The following SYNE1 variants were observed in gnomAD, a reference collection of about 807,000 sequenced individuals.
The protein encoded by SYNE1 is spectrin repeat containing nuclear envelope protein 1.
In SYNE1, 616 loss-of-function variants were observed where a neutral mutation model predicts 1,111.0. The ratio of observed to expected loss-of-function variants is 0.55; its 90% CI spans 0.52 to 0.59. The LOEUF is 0.59. Among genes scored for constraint, SYNE1 ranks in the 20% least tolerant of loss-of-function variants. The pLI, the probability that SYNE1 is intolerant of heterozygous loss-of-function variation, is 0.00. For missense variants in SYNE1, 10,006 were observed against 10,417.0 expected (o/e 0.96, Z 1.72); for synonymous variants, 3,855 against 3,825.8 (o/e 1.01, Z -0.28).
At chr6:152,422,395 G>A (rs1006406659) in intron 39 of SYNE1, among the ~76,000 whole-genome samples, 2 of 152,202 alleles carry the variant, frequency 1.3e-5, no homozygotes, top group Non-Finnish European at 2.9e-5. Flanking sequence ...TCAGGACTAA[G>A]AGACTGACTA....
At chr6:152,258,590 C>G (rs2091375686) in intron 101 of SYNE1, among the ~76,000 whole-genome samples, 1 of 152,120 alleles carries the variant, frequency 6.6e-6, no homozygotes, top group African/African-American at 2.4e-5. Context: ...ATACAAGACT[C>G]CTAGACTGAT....
intron 11 of SYNE1, among the ~76,000 whole-genome samples, chr6:152,498,452 TC>T (rs2099011306): frequency 6.6e-6 from 1 of 152,226 alleles, no homozygotes; most frequent in Non-Finnish European, 1.5e-5. Flanking sequence ...TTACTGTAAG[TC>T]CTTTTTATTA....
At chr6:152,266,437 G>A (rs1188200719) in intron 100 of SYNE1, among the ~76,000 whole-genome samples, 1 of 152,194 alleles carries the variant, frequency 6.6e-6, no homozygotes, top group African/African-American at 2.4e-5. Flanking sequence ...AATGTAACGT[G>A]AAGGCAAGTC....
intron 144 of SYNE1, 89 bp from the exon 145 acceptor site, chr6:152,130,867 G>T (rs1027483081): frequency 6.0e-6 from 8 of 1,331,952 alleles, no homozygotes; most frequent in South Asian, 1.2e-5. Context: ...AACTAAAAGT[G>T]CAGCAAAGGA....
At chr6:152,130,355 C>T (rs1278912871) in intron 145 of SYNE1, among the ~76,000 whole-genome samples, 1 of 152,076 alleles carries the variant, frequency 6.6e-6, no homozygotes, top group Non-Finnish European at 1.5e-5. Context: ...ATTCACTGAT[C>T]GATTACCTGT....
intron 34 of SYNE1, among the ~76,000 whole-genome samples, chr6:152,433,195 C>G (rs1207150321): frequency 6.6e-6 from 1 of 152,026 alleles, no homozygotes; most frequent in East Asian, 1.9e-4. Context: ...CCTGTAAGCC[C>G]ATTTTTCTTC....
intron 55 of SYNE1, among the ~76,000 whole-genome samples, chr6:152,381,777 A>ATTCATCTTCTTCAACAGGGTGGTGGC (rs2097421797): frequency 1.3e-5 from 2 of 152,044 alleles, no homozygotes; most frequent in Non-Finnish European, 2.9e-5. Context: ...TCTATACTCA[A>ATTCATCTTCTTCAACAGGGTGGTGGC]TTCATCTTCT....
intron 3 of SYNE1, among the ~76,000 whole-genome samples, chr6:152,620,241 A>T (rs2099672384): frequency 6.6e-6 from 1 of 151,948 alleles, no homozygotes; most frequent in South Asian, 2.1e-4. Flanking sequence ...GCAGCTTCTT[A>T]GTCTCATATG....
At chr6:152,233,578 G>A (rs1474108806) in intron 112 of SYNE1, among the ~76,000 whole-genome samples, 2 of 152,086 alleles carry the variant, frequency 1.3e-5, no homozygotes, top group Non-Finnish European at 2.9e-5. Flanking sequence ...ACCCTCCTCA[G>A]CCTCCCTAAG....
chr6:152,406,455 G>C (rs2097902273), intron 45 of SYNE1, among the ~76,000 whole-genome samples: 1 of 149,072 alleles, frequency 6.7e-6, no homozygotes, highest in Admixed American at 6.7e-5. Flanking sequence ...ATGATTTAAA[G>C]AGCCCTAAAT....
At chr6:152,504,661 G>C (rs571904411) in intron 9 of SYNE1, among the ~76,000 whole-genome samples, 2 of 152,064 alleles carry the variant, frequency 1.3e-5, no homozygotes, top group African/African-American at 2.4e-5. Flanking sequence ...TTTATCAAAG[G>C]CATCTAAATT....
rs34302800 is a variant in SYNE1, at chr6:152,217,062, C to CAA, written c.22191+1193_22191+1194dup. On this transcript the variant is annotated intron_variant, in intron 121 of 145. Coordinates refer to ENST00000367255, the MANE Select transcript of SYNE1 (RefSeq NM_182961.4). ...TGCGCAATAGAGCAAGACTCTATCT[C>CAA]AAAAAAAAAAAAAATTCACAACTAA... Among the ~76,000 whole-genome samples, 358 of 107,192 alleles carry CAA rather than the reference C, an allele frequency of 3.3e-3. 1 individual carries two copies. Among genetic ancestry groups the CAA allele is most frequent in the Admixed American group, 5.4e-3 (51 of 9,388 alleles). The allele number at this position is 107,192 out of a possible 152,430, so 70.3% of individuals were successfully genotyped here.
At chr6:152,248,872 T>C (rs1241662918) in intron 105 of SYNE1, among the ~76,000 whole-genome samples, 2 of 152,174 alleles carry the variant, frequency 1.3e-5, no homozygotes, top group African/African-American at 4.8e-5. Context: ...CTTTCTGCCC[T>C]ATGTCATTGA....
At chr6:152,350,082 C>T in intron 72 of SYNE1, 86 bp downstream of exon 72, 1 of 1,495,432 alleles carries the variant, frequency 6.7e-7, no homozygotes, top group Non-Finnish European at 9.3e-7. Context: ...GTGTGCACCC[C>T]CACACATGCA....
intron 107 of SYNE1, among the ~76,000 whole-genome samples, chr6:152,241,830 G>A (rs13210209): frequency 0.5 from 75,746 of 151,312 alleles, 19,741 homozygotes; most frequent in African/African-American, 0.64. Flanking sequence ...GGGCAAAGAG[G>A]GTAACTGGGA....
At position 152,293,602 on chromosome 6, in the gene SYNE1, T is replaced by C; in HGVS notation, c.17998A>G (p.Met6000Val). 1 of 1,614,130 alleles carries C rather than the reference T, an allele frequency of 6.2e-7. No individual in the cohort carries two copies. Among genetic ancestry groups the C allele is most frequent in the Non-Finnish European group, 8.5e-7 (1 of 1,180,006 alleles). ...PEPGRSPESQ[M>V]AEHQALMDEI... ...GCTATTTGTACCTGATGTTCAGCCA[T>C]CTGGCTTTCTGGACTCCTGCCAGGC... is the stretch of plus-strand genomic sequence containing the variant. The change falls in exon 95 of 146, where the codon ATG becomes GTG. Residue 6000 changes from methionine to valine, a missense_variant. Physicochemically the swap from Met to Val is conservative, Grantham distance 21 (BLOSUM62 1). Coordinates refer to ENST00000367255, the MANE Select transcript of SYNE1 (RefSeq NM_182961.4).
At chr6:152,393,826 CT>C (rs5880974) in intron 51 of SYNE1, among the ~76,000 whole-genome samples, 59,589 of 151,914 alleles carry the variant, frequency 0.39, 12,164 homozygotes, top group East Asian at 0.75. Flanking sequence ...TCTGGAATTT[CT>C]TTTTTTATTT....
intron 3 of SYNE1, among the ~76,000 whole-genome samples, chr6:152,611,677 A>T (rs1008864379): frequency 6.6e-6 from 1 of 152,208 alleles, no homozygotes; most frequent in Non-Finnish European, 1.5e-5. Context: ...TCTCCACCCC[A>T]AATCAACAGA....
intron 59 of SYNE1, among the ~76,000 whole-genome samples, chr6:152,372,096 G>A (rs1043459548): frequency 2.6e-5 from 4 of 152,102 alleles, no homozygotes; most frequent in African/African-American, 9.7e-5. Flanking sequence ...GGCATCTCTT[G>A]AACTAGATAA....
Sources: allele counts gnomAD v4.1 joint callset (sites outside exome capture counted in the v4.1 genomes callset), GRCh38; gene constraint gnomAD v4.1.1; transcripts MANE v1.5; gene names NCBI Gene and HGNC (gene_info 2026-07-23, HGNC 2026-07-21).